Variants in ANKRD36C observed in about 807,000 individuals in gnomAD.
ANKRD36C encodes ankyrin repeat domain-containing protein 36C.
A neutral mutation model predicts 276.4 loss-of-function variants in ANKRD36C; 61 were observed. The ratio of observed to expected loss-of-function variants is 0.22; its 90% CI spans 0.18 to 0.27. ANKRD36C has a LOEUF of 0.27. Among genes scored for constraint, ANKRD36C ranks in the 10% least tolerant of loss-of-function variants. The probability of loss-of-function intolerance (pLI) is 1.00; values close to 1 mark genes in which losing one functional copy is unlikely to be tolerated. For synonymous variants in ANKRD36C, 483 were observed against 680.1 expected, an observed-to-expected ratio of 0.71 and a Z score of 4.51; for missense variants, 1,447 against 2,032.3, an observed-to-expected ratio of 0.71 and a Z score of 5.54.
rs1055566778 is a variant in ANKRD36C at position 95,924,268 on chromosome 2, TGTG to T, written c.2042-582_2042-580del. 1.4e-4 allele frequency among the ~76,000 whole-genome samples: 21 copies of T among 151,598 alleles called. 1 individual carries two copies. The highest frequency in any genetic ancestry group is 5.1e-4 in the African/African-American group (21 of 41,364). ...TAGTATTCATTATTTATCATACACA[TGTG>T]GTGGAATAATCTGCCTACATTTCTT... On this transcript the variant is annotated intron_variant, in intron 30 of 66. Transcript: ENST00000456556.
intron 4 of ANKRD36C, among the ~76,000 whole-genome samples, chr2:95,981,514 A>T (rs1678916472): frequency 6.7e-6 from 1 of 148,318 alleles, no homozygotes; most frequent in South Asian, 2.1e-4. Flanking sequence ...TCTTACATAC[A>T]TATGTGTGTA....
intron 38 of ANKRD36C, 56 bp downstream of exon 40, chr2:95,915,924 G>T: frequency 6.5e-7 from 1 of 1,529,296 alleles, no homozygotes. Flanking sequence ...TTTATTCGGG[G>T]AAGAGAACTT....
At chr2:95,893,040 AT>A (rs1558629960) in intron 44 of ANKRD36C, among the ~76,000 whole-genome samples, 4 of 151,158 alleles carry the variant, frequency 2.6e-5, no homozygotes, top group African/African-American at 9.7e-5. Context: ...CCAAAATTAT[AT>A]AAATGACTGC....
intron 6 of ANKRD36C, among the ~76,000 whole-genome samples, chr2:95,974,724 A>C (rs1244196761): frequency 1.3e-5 from 2 of 151,794 alleles, no homozygotes; most frequent in Non-Finnish European, 2.9e-5. Context: ...ACATATGTAT[A>C]CATGTGCCAT....
intron 60 of ANKRD36C, among the ~76,000 whole-genome samples, chr2:95,861,001 A>G (rs566516488): frequency 6.6e-6 from 1 of 152,320 alleles, no homozygotes; most frequent in East Asian, 1.9e-4. Context: ...GGTTCACACA[A>G]TGACTGGAAG....
intron 40 of ANKRD36C, among the ~76,000 whole-genome samples, 181 bp downstream of exon 42, chr2:95,913,927 C>T (rs1240574103): frequency 2.0e-5 from 3 of 151,516 alleles, no homozygotes; most frequent in Non-Finnish European, 4.4e-5. Flanking sequence ...AATCTTACAG[C>T]GAAGATGATG....
chr2:95,908,339 C>A (rs80193532), intron 42 of ANKRD36C, among the ~76,000 whole-genome samples, 163 bp downstream of exon 48: 2 of 151,068 alleles, frequency 1.3e-5, no homozygotes, highest in East Asian at 2.0e-4. Flanking sequence ...ATGTTCCAGA[C>A]CAGCAGCATC....
intron 28 of ANKRD36C, 22 bp downstream of exon 28, chr2:95,927,192 T>C (rs763773700): frequency 1.9e-6 from 3 of 1,609,034 alleles, no homozygotes; most frequent in South Asian, 1.1e-5. Context: ...AACATGACAT[T>C]AAATGTGTTT....
chr2:95,918,905 G>C (rs563727257), intron 34 of ANKRD36C, among the ~76,000 whole-genome samples: 23 of 136,988 alleles, frequency 1.7e-4, no homozygotes, highest in African/African-American at 5.8e-4. Context: ...ATACTTCTTG[G>C]GAGTATCATG....
At chr2:95,936,854 T>A (rs1677733177) in intron 22 of ANKRD36C, among the ~76,000 whole-genome samples, 1 of 152,382 alleles carries the variant, frequency 6.6e-6, no homozygotes, top group Non-Finnish European at 1.5e-5. Context: ...ATATAAAAGT[T>A]ACAGAAAATG....
exon 63 of ANKRD36C, chr2:95,855,712 G>C: frequency 1.2e-6 from 2 of 1,612,856 alleles, no homozygotes. Flanking sequence ...GCTTTAGAAA[G>C]TTGCAGAGAA....
chr2:95,914,439 T>C lies in ANKRD36C; in HGVS notation c.2450-136A>G. 2.6e-6 allele frequency: 3 copies of C among 1,169,080 alleles called. No individual in the cohort carries two copies. In the South Asian group the frequency reaches 4.1e-5, roughly 16 times the overall value. The allele number at this position is 1,169,080 out of a possible 1,614,324, so 72.4% of individuals were successfully genotyped here. ...TCTTTGATGGCTTCTACTTTGTGTC[T>C]GGGGACTAGAACATGATAGAAATAC... On this transcript the variant is annotated intron_variant, in intron 38 of 66. Coordinates refer to ENST00000456556, the Ensembl canonical transcript of ANKRD36C.
chr2:95,945,519 G>A (rs1678023648), intron 17 of ANKRD36C, among the ~76,000 whole-genome samples: 1 of 151,938 alleles, frequency 6.6e-6, no homozygotes, highest in South Asian at 2.1e-4. Context: ...ATAATAAAAA[G>A]TCAATTAATC....
intron 6 of ANKRD36C, among the ~76,000 whole-genome samples, chr2:95,964,961 C>T (rs1412637462): frequency 6.6e-6 from 1 of 151,732 alleles, no homozygotes. Context: ...ACTTCTTTAA[C>T]TCCAATGACA....
chr2:95,860,315 G>A (rs1265429292), intron 60 of ANKRD36C, among the ~76,000 whole-genome samples: 2 of 150,674 alleles, frequency 1.3e-5, no homozygotes, highest in African/African-American at 4.9e-5. Context: ...ACTCAGATAG[G>A]TCCTGTAAAA....
intron 6 of ANKRD36C, among the ~76,000 whole-genome samples, chr2:95,976,353 A>AATGCGGCT (rs1310914060): frequency 5.3e-5 from 8 of 152,148 alleles, no homozygotes; most frequent in Admixed American, 1.3e-4. Context: ...TTCTGATTGA[A>AATGCGGCT]ACTTGAAACT....
intron 42 of ANKRD36C, among the ~76,000 whole-genome samples, chr2:95,902,236 T>G (rs1201708955): frequency 6.7e-6 from 1 of 149,260 alleles, no homozygotes; most frequent in Non-Finnish European, 1.5e-5. Context: ...AGAGGAGTAA[T>G]GAGTCAGTGT....
chr2:95,857,429 C>T (rs1239956566), exon 62 of ANKRD36C: 5 of 1,606,274 alleles, frequency 3.1e-6, no homozygotes, highest in Non-Finnish European at 1.7e-6. Context: ...TTAACTTTTC[C>T]CTAACTTTTT....
At chr2:95,914,285 G>C in exon 39 of ANKRD36C, 4 of 1,550,222 alleles carry the variant, frequency 2.6e-6, no homozygotes, top group Non-Finnish European at 3.5e-6. Flanking sequence ...CTTCAAGCCT[G>C]CTGGTTTCTC....
Sources: gnomAD v4.1 joint callset for allele counts (sites outside exome capture counted in the v4.1 genomes callset) on GRCh38, gnomAD v4.1.1 for gene constraint, MANE v1.5 for transcripts, NCBI Gene and HGNC (gene_info 2026-07-23, HGNC 2026-07-21) for gene names.